PCNX1: variants seen among roughly 807,000 people sequenced by gnomAD.
The protein encoded by PCNX1 is pecanex-like protein 1.
Under a neutral mutation model 242.2 loss-of-function variants are expected in PCNX1, and 78 were observed. That is an observed-to-expected ratio of 0.32 (90% CI 0.27 to 0.39). PCNX1 has a LOEUF of 0.39. PCNX1 is among the 10% of genes least tolerant of loss of function. PCNX1 has a pLI of 1.00. For missense variants in PCNX1, 2,581 were observed against 2,856.5 expected (o/e 0.90, Z 2.20); for synonymous variants, 1,024 against 1,032.9 (o/e 0.99, Z 0.17).
intron 1 of PCNX1, among the ~76,000 whole-genome samples, chr14:70,916,013 AT>A (rs1399084013): frequency 6.6e-6 from 1 of 152,152 alleles, no homozygotes; most frequent in African/African-American, 2.4e-5. Flanking sequence ...GTTGAGGTTC[AT>A]CTTTTATGAT....
rs1211731158 is a variant in PCNX1, at chr14:70,928,579, A to T, written c.154-18336A>T. On this transcript the variant is annotated intron_variant, in intron 1 of 35. Coordinates refer to ENST00000304743, the MANE Select transcript of PCNX1 (RefSeq NM_014982.3). ...TACTAATTTACAAAAGGAAATATTA[A>T]TGAAGATAGTTCTTAGTGTAGGGCA... 5.9e-5 allele frequency among the ~76,000 whole-genome samples: 9 copies of T among 152,274 alleles called. No homozygotes were observed. The East Asian group carries it at 1.7e-3, about 29-fold the overall frequency.
chr14:70,963,452 C>G (rs2058282403), intron 3 of PCNX1, among the ~76,000 whole-genome samples: 1 of 152,158 alleles, frequency 6.6e-6, no homozygotes, highest in Non-Finnish European at 1.5e-5. Flanking sequence ...CCTAGCTTCT[C>G]ATTTAACAAA....
intron 26 of PCNX1, among the ~76,000 whole-genome samples, chr14:71,068,591 C>CGTGTGTGTGTGTGTGT (rs373964832): frequency 8.2e-4 from 102 of 123,978 alleles, no homozygotes; most frequent in African/African-American, 2.0e-3. Flanking sequence ...TATGTACGTG[C>CGTGTGTGTGTGTGTGT]GTGTGTGTGT....
chr14:71,052,470 C>A (rs2061065401), intron 24 of PCNX1, among the ~76,000 whole-genome samples: 2 of 152,166 alleles, frequency 1.3e-5, no homozygotes, highest in Non-Finnish European at 2.9e-5. Context: ...GCCTCAGCCT[C>A]CCAAAGTGTT....
intron 8 of PCNX1, 119 bp from the exon 9 acceptor site, chr14:71,009,515 T>G (rs1330292488): frequency 4.1e-6 from 2 of 490,078 alleles, no homozygotes; most frequent in Non-Finnish European, 7.0e-6. Context: ...TTAAAAAAAT[T>G]TTTTTTAAAG....
chr14:71,076,208 C>G lies in PCNX1; in HGVS notation c.5126C>G (p.Thr1709Arg). The change falls in exon 28 of 36, where the codon ACG becomes AGG. Residue 1709 changes from threonine (T) to arginine (R), a missense_variant. By Grantham distance (71) the Thr-to-Arg change is moderately conservative. Transcript: ENST00000304743. ...YYVKGIIYYV[T>R]TSSKLEEWLA... Reference sequence around the variant, plus strand: ...TGTTAGGGTATCATTTATTATGTTACGACCTCGTCTAAGCTAGAGGAGTGG... The same window carrying G: ...TGTTAGGGTATCATTTATTATGTTAGGACCTCGTCTAAGCTAGAGGAGTGG... The G allele has an allele frequency of 6.2e-7, 1 of 1,606,082 alleles. No homozygotes were observed. Among genetic ancestry groups the G allele is most frequent in the Non-Finnish European group, 8.5e-7 (1 of 1,173,556 alleles).
intron 30 of PCNX1, among the ~76,000 whole-genome samples, chr14:71,094,896 AC>A (rs1013018574): frequency 1.3e-5 from 2 of 151,398 alleles, no homozygotes; most frequent in African/African-American, 2.5e-5. Context: ...GCATCACTGC[AC>A]TCCAGCCTGA....
At chr14:70,985,570 A>C (rs1222148287) in intron 6 of PCNX1, among the ~76,000 whole-genome samples, 1 of 152,196 alleles carries the variant, frequency 6.6e-6, no homozygotes, top group African/African-American at 2.4e-5. Context: ...AACACAAATA[A>C]ATGATTAGAA....
At chr14:71,047,245 C>T (rs971781446) in intron 21 of PCNX1, 140 bp downstream of exon 21, 3 of 470,336 alleles carry the variant, frequency 6.4e-6, no homozygotes, top group Non-Finnish European at 1.1e-5. Context: ...ACATTTTGTC[C>T]TTGACTTACC....
At chr14:71,060,675 C>T (rs1341055605) in intron 26 of PCNX1, 1 of 152,140 alleles carries the variant, frequency 6.6e-6, no homozygotes, top group Non-Finnish European at 1.5e-5. Context: ...TAGCTGTGAT[C>T]TTGAAGAACA....
chr14:70,909,594 C>A (rs1288408493), intron 1 of PCNX1, among the ~76,000 whole-genome samples: 3 of 152,080 alleles, frequency 2.0e-5, no homozygotes, highest in Non-Finnish European at 2.9e-5. Flanking sequence ...TGTAAGATTT[C>A]TTTTTTAACA....
intron 8 of PCNX1, among the ~76,000 whole-genome samples, chr14:70,997,098 A>AGAGG (rs1194164366): frequency 1.3e-5 from 2 of 152,172 alleles, no homozygotes; most frequent in Non-Finnish European, 2.9e-5. Flanking sequence ...TGTAATTTGT[A>AGAGG]GAGGCAAGAA....
intron 1 of PCNX1, among the ~76,000 whole-genome samples, chr14:70,920,005 C>G (rs1173188998): frequency 6.6e-6 from 1 of 152,072 alleles, no homozygotes; most frequent in Non-Finnish European, 1.5e-5. Flanking sequence ...TTAATCACAA[C>G]TTTGAGAAGC....
At chr14:71,042,655 G>C (rs2060743274) in intron 19 of PCNX1, among the ~76,000 whole-genome samples, 1 of 149,978 alleles carries the variant, frequency 6.7e-6, no homozygotes, top group Non-Finnish European at 1.5e-5. Context: ...ATTTATTTTT[G>C]TTGACATCAG....
intron 1 of PCNX1, among the ~76,000 whole-genome samples, chr14:70,945,550 CCA>C (rs1358811775): frequency 1.3e-4 from 19 of 147,646 alleles, no homozygotes; most frequent in Non-Finnish European, 2.5e-4. Context: ...TAATTTCAAC[CCA>C]CACTCTTTCC....
chr14:71,026,527 T>C (rs1271506627), intron 14 of PCNX1, among the ~76,000 whole-genome samples: 1 of 152,154 alleles, frequency 6.6e-6, no homozygotes, highest in African/African-American at 2.4e-5. Flanking sequence ...TTTTTGGTTT[T>C]GTTATCTTAG....
At position 70,968,255 on chromosome 14, in the gene PCNX1, C is replaced by A. The variant is rs2058440291; in HGVS notation, c.514+12C>A. ...AGCAACTATTAAAGGTAGGTGTGATCTAACTTAAAAGTTGCACCTGCCTTT... is the reference window on the plus strand; with the variant it reads ...AGCAACTATTAAAGGTAGGTGTGATATAACTTAAAAGTTGCACCTGCCTTT... On this transcript the variant is annotated intron_variant, in intron 4 of 35. Coordinates refer to ENST00000304743, the MANE Select transcript of PCNX1 (RefSeq NM_014982.3). 5.6e-6 allele frequency: 9 copies of A among 1,606,158 alleles called. No individual in the cohort carries two copies. Among genetic ancestry groups the A allele is most frequent in the Middle Eastern group, 3.3e-4 (2 of 6,050 alleles).
intron 17 of PCNX1, among the ~76,000 whole-genome samples, 169 bp from the exon 18 acceptor site, chr14:71,033,762 T>C (rs1296096238): frequency 6.6e-6 from 1 of 152,184 alleles, no homozygotes; most frequent in Non-Finnish European, 1.5e-5. Flanking sequence ...ATAAAAATAT[T>C]TTCACTGTAT....
intron 1 of PCNX1, among the ~76,000 whole-genome samples, chr14:70,910,687 T>A (rs2055863166): frequency 6.6e-6 from 1 of 152,176 alleles, no homozygotes; most frequent in Non-Finnish European, 1.5e-5. Flanking sequence ...TCCTAACTGA[T>A]ATCTATTTAT....
Sources: gnomAD v4.1 joint callset for allele counts (sites outside exome capture counted in the v4.1 genomes callset) on GRCh38, gnomAD v4.1.1 for gene constraint, MANE v1.5 for transcripts, NCBI Gene and HGNC (gene_info 2026-07-23, HGNC 2026-07-21) for gene names.